NRXN3: variants seen among roughly 807,000 people sequenced by gnomAD.
NRXN3 encodes the protein neurexin 3.
In NRXN3, 32 loss-of-function variants were observed where a neutral mutation model predicts 137.6. The observed-to-expected ratio is 0.23, with a 90% CI of 0.18 to 0.31. NRXN3 has a LOEUF of 0.31. Ranked by LOEUF, NRXN3 falls within the 10% of genes least tolerant of loss-of-function variation. The pLI is 1.00. For missense variants in NRXN3, 1,574 were observed against 2,062.5 expected, an observed-to-expected ratio of 0.76 and a Z score of 4.59; for synonymous variants, 798 against 784.5, an observed-to-expected ratio of 1.02 and a Z score of -0.29.
At chr14:78,650,587 A>T (rs2097731462) in intron 5 of NRXN3, among the ~76,000 whole-genome samples, 1 of 152,036 alleles carries the variant, frequency 6.6e-6, no homozygotes, top group Non-Finnish European at 1.5e-5. Flanking sequence ...ATCCATGACC[A>T]TATCAGAATC....
chr14:79,115,040 A>G (rs1457232875), intron 15 of NRXN3, among the ~76,000 whole-genome samples: 1 of 152,046 alleles, frequency 6.6e-6, no homozygotes, highest in Non-Finnish European at 1.5e-5. Context: ...AGATGCGCAA[A>G]CTAGGCCAGG....
At chr14:78,970,054 C>T (rs1447795702) in intron 14 of NRXN3, among the ~76,000 whole-genome samples, 1 of 152,044 alleles carries the variant, frequency 6.6e-6, no homozygotes, top group Non-Finnish European at 1.5e-5. Context: ...TGTAGAATGG[C>T]AGTAATTCCA....
intron 15 of NRXN3, among the ~76,000 whole-genome samples, chr14:79,130,538 C>T (rs934654794): frequency 1.1e-4 from 17 of 151,858 alleles, no homozygotes; most frequent in African/African-American, 2.9e-4. Context: ...GAGTTTCTGC[C>T]GAGAGATCAG....
chr14:79,376,174 A>G (rs1201971181), intron 15 of NRXN3, among the ~76,000 whole-genome samples: 1 of 143,714 alleles, frequency 7.0e-6, no homozygotes, highest in Non-Finnish European at 1.5e-5. Flanking sequence ...TGCAAGATAT[A>G]TATGAGTATA....
intron 18 of NRXN3, among the ~76,000 whole-genome samples, chr14:79,694,416 A>G (rs1412883579): frequency 6.6e-6 from 1 of 151,982 alleles, no homozygotes; most frequent in Non-Finnish European, 1.5e-5. Context: ...ATCTAAAACA[A>G]AAAGTAACCT....
chr14:79,350,063 CATATT>C (rs1192759359), intron 15 of NRXN3, among the ~76,000 whole-genome samples: 1 of 152,136 alleles, frequency 6.6e-6, no homozygotes, highest in Non-Finnish European at 1.5e-5. Flanking sequence ...TAAAATTAAA[CATATT>C]ATATGAAAGC....
intron 16 of NRXN3, among the ~76,000 whole-genome samples, chr14:79,529,920 A>C (rs2153716651): frequency 6.6e-6 from 1 of 152,338 alleles, no homozygotes; most frequent in South Asian, 2.1e-4. Flanking sequence ...GTTTGAACAA[A>C]CCGAACTCCA....
intron 16 of NRXN3, among the ~76,000 whole-genome samples, chr14:79,656,636 T>A (rs2153979258): frequency 6.6e-6 from 1 of 150,408 alleles, no homozygotes; most frequent in South Asian, 2.1e-4. Flanking sequence ...TTTTTTTGCT[T>A]GGAGTCAGAG....
At chr14:78,599,208 T>C (rs1436069894) in intron 4 of NRXN3, among the ~76,000 whole-genome samples, 1 of 152,200 alleles carries the variant, frequency 6.6e-6, no homozygotes, top group African/African-American at 2.4e-5. Flanking sequence ...TCCAAGAGTT[T>C]AACTCATGGA....
rs139969614 is a variant in NRXN3 at position 79,652,770 on chromosome 14, T to G, written c.3445-11008T>G. On this transcript the variant is annotated intron_variant, in intron 16 of 20. Coordinates refer to ENST00000335750, the MANE Select transcript of NRXN3 (RefSeq NM_001330195.2). ...TTTCCTTTTCATATTTCTGCTTGGG[T>G]GTCCAGATCATTCTCCCCTACAGAG... 7.3e-3 allele frequency among the ~76,000 whole-genome samples: 1,114 copies of G among 152,064 alleles called. 9 individuals carry two copies. The highest frequency in any genetic ancestry group is 0.01 in the Non-Finnish European group (704 of 67,986).
At chr14:78,456,799 C>CTTTTTCTTTCTT (rs1177466177) in intron 4 of NRXN3, among the ~76,000 whole-genome samples, 13 of 97,620 alleles carry the variant, frequency 1.3e-4, no homozygotes, top group African/African-American at 4.6e-4. Context: ...CTCTCTTTCT[C>CTTTTTCTTTCTT]TCTTTCTTTC....
chr14:79,252,545 G>C (rs1387604726), intron 15 of NRXN3, among the ~76,000 whole-genome samples: 1 of 146,058 alleles, frequency 6.8e-6, no homozygotes, highest in African/African-American at 2.5e-5. Flanking sequence ...GAGGAGATCA[G>C]ATGTTAAAAG....
intron 8 of NRXN3, among the ~76,000 whole-genome samples, chr14:78,768,958 C>T (rs956802377): frequency 3.9e-5 from 6 of 152,074 alleles, no homozygotes; most frequent in Non-Finnish European, 1.5e-5. Flanking sequence ...AATCATTGTC[C>T]ACTGGTAATT....
intron 20 of NRXN3, among the ~76,000 whole-genome samples, chr14:79,828,679 C>G (rs2141201991): frequency 2.2e-5 from 3 of 138,118 alleles, no homozygotes; most frequent in Middle Eastern, 4.4e-3. Flanking sequence ...GTACCAAATC[C>G]TATCAATGAA....
intron 19 of NRXN3, among the ~76,000 whole-genome samples, chr14:79,769,381 G>A (rs879054098): frequency 4.0e-5 from 6 of 151,792 alleles, no homozygotes; most frequent in East Asian, 1.9e-4. Flanking sequence ...GAGAAAGGTC[G>A]GGTTACCCTC....
intron 15 of NRXN3, among the ~76,000 whole-genome samples, chr14:79,115,971 C>A (rs1003549948): frequency 6.6e-6 from 1 of 151,960 alleles, no homozygotes; most frequent in African/African-American, 2.4e-5. Context: ...CATTATGCAC[C>A]CATGGAAGCT....
intron 16 of NRXN3, among the ~76,000 whole-genome samples, chr14:79,525,942 C>T (rs2097114510): frequency 6.6e-6 from 1 of 152,122 alleles, no homozygotes; most frequent in African/African-American, 2.4e-5. Context: ...AGTGCAGTGG[C>T]ACAATCATAG....
At chr14:79,007,805 CAAAAAAAAAAAAA>C (rs1160867331) in intron 15 of NRXN3, among the ~76,000 whole-genome samples, 1 of 37,992 alleles carries the variant, frequency 2.6e-5, no homozygotes, top group African/African-American at 7.8e-5. Flanking sequence ...GACTCCATCT[CAAAAAAAAAAAAA>C]AAAAAAAAAA....
intron 8 of NRXN3, among the ~76,000 whole-genome samples, chr14:78,757,177 G>C (rs754517244): frequency 3.3e-5 from 5 of 152,194 alleles, no homozygotes; most frequent in Non-Finnish European, 5.9e-5. Context: ...GGAGGCCGAG[G>C]GGGGCAGACT....
Sources: gnomAD v4.1 joint callset for allele counts (sites outside exome capture counted in the v4.1 genomes callset) on GRCh38, gnomAD v4.1.1 for gene constraint, MANE v1.5 for transcripts, NCBI Gene and HGNC (gene_info 2026-07-23, HGNC 2026-07-21) for gene names.